KAZN: variants seen among roughly 807,000 people sequenced by gnomAD.
The protein encoded by KAZN is kazrin, periplakin interacting protein, also known as kazrin.
In KAZN, 40 loss-of-function variants were observed where a neutral mutation model predicts 87.4. That is an observed-to-expected ratio of 0.46 (90% CI 0.36 to 0.60). KAZN has a LOEUF of 0.60. Ranked by LOEUF, KAZN falls within the 20% of genes least tolerant of loss-of-function variation. The pLI, the probability that KAZN is intolerant of heterozygous loss-of-function variation, is 0.00. For synonymous variants in KAZN, 466 were observed against 458.3 expected (o/e 1.02, Z -0.22); for missense variants, 898 against 1,073.9 (o/e 0.84, Z 2.29).
chr1:14,981,982 G>A (rs1666290457), intron 2 of KAZN, among the ~76,000 whole-genome samples: 1 of 152,150 alleles, frequency 6.6e-6, no homozygotes, highest in Non-Finnish European at 1.5e-5. Flanking sequence ...ACTTACCCTG[G>A]CCTGTCAGCT....
intron 1 of KAZN, among the ~76,000 whole-genome samples, chr1:14,906,102 G>A (rs1290142684): frequency 1.3e-5 from 2 of 151,304 alleles, no homozygotes; most frequent in African/African-American, 4.9e-5. Context: ...GGTAGGCGGG[G>A]CTTGCAGTGA....
chr1:15,070,286 T>C (rs1318067928), intron 8 of KAZN, among the ~76,000 whole-genome samples: 2 of 152,214 alleles, frequency 1.3e-5, no homozygotes, highest in African/African-American at 2.4e-5. Flanking sequence ...CTCAGTCTGT[T>C]TCCATCAGCC....
intron 1 of KAZN, among the ~76,000 whole-genome samples, chr1:14,122,978 A>G (rs1379986415): frequency 1.3e-5 from 2 of 152,234 alleles, no homozygotes; most frequent in African/African-American, 2.4e-5. Context: ...GCAAGGCGAC[A>G]TTTGATAGCA....
At chr1:15,039,517 C>G (rs1672685425) in intron 3 of KAZN, among the ~76,000 whole-genome samples, 1 of 152,092 alleles carries the variant, frequency 6.6e-6, no homozygotes, top group East Asian at 1.9e-4. Flanking sequence ...AGAGTGCTGG[C>G]TATTTCAGTG....
chr1:14,859,814 T>TC (rs1253072849), intron 1 of KAZN, among the ~76,000 whole-genome samples: 1 of 152,096 alleles, frequency 6.6e-6, no homozygotes, highest in East Asian at 1.9e-4. Flanking sequence ...TCCCACTATT[T>TC]CCCCTTAGCG....
intron 2 of KAZN, among the ~76,000 whole-genome samples, chr1:14,587,544 C>T (rs1466951737): frequency 6.6e-6 from 1 of 151,478 alleles, no homozygotes. Flanking sequence ...AGCTTACAGT[C>T]ATGGTGGAAG....
rs1378110387 is a variant in KAZN, at chr1:14,943,007, G to GGGGTGT, written c.227-17676_227-17675insGGTGTG. On this transcript the variant is annotated intron_variant, in intron 1 of 14. Coordinates refer to ENST00000376030, the MANE Select transcript of KAZN (RefSeq NM_201628.3). ...ATGTGAGCTGCGTGTGTGTGTGTGT[G>GGGGTGT]GTGTGTGTGTGTGTGTGTGTGTGTG... is the stretch of plus-strand genomic sequence containing the variant. 1.8e-4 allele frequency among the ~76,000 whole-genome samples: 18 copies of GGGGTGT among 100,864 alleles called. No individual in the cohort carries two copies. The East Asian group carries it at 2.4e-3, about 13-fold the overall frequency. 66.2% of individuals were successfully genotyped at this position (100,864 alleles called of 152,430 possible). A position where few individuals can be genotyped will look rare whatever the true frequency, so the allele number is the denominator to read the frequency against.
intron 1 of KAZN, among the ~76,000 whole-genome samples, chr1:13,911,742 T>C (rs890782578): frequency 6.6e-6 from 1 of 152,208 alleles, no homozygotes; most frequent in Non-Finnish European, 1.5e-5. Flanking sequence ...TATCATTTAA[T>C]GTATTAAATC....
chr1:14,550,951 T>A (rs888223852), intron 2 of KAZN, among the ~76,000 whole-genome samples: 2 of 151,598 alleles, frequency 1.3e-5, no homozygotes, highest in Non-Finnish European at 2.9e-5. Context: ...CCCTCAATCC[T>A]TGTAAAGCAT....
intron 1 of KAZN, among the ~76,000 whole-genome samples, chr1:14,016,426 G>A (rs772584879): frequency 6.6e-6 from 1 of 152,150 alleles, no homozygotes; most frequent in Non-Finnish European, 1.5e-5. Flanking sequence ...CATTTCACAG[G>A]TGGGGAAACT....
intron 1 of KAZN, among the ~76,000 whole-genome samples, chr1:14,784,844 GT>G (rs2100661218): frequency 6.6e-6 from 1 of 152,310 alleles, no homozygotes; most frequent in Non-Finnish European, 1.5e-5. Flanking sequence ...GGAAATACAT[GT>G]GGGCACTGGG....
intron 1 of KAZN, among the ~76,000 whole-genome samples, chr1:14,747,134 C>T (rs1245410103): frequency 6.6e-6 from 1 of 152,136 alleles, no homozygotes; most frequent in Non-Finnish European, 1.5e-5. Context: ...CCTCAAGATT[C>T]ATCAGTGCGG....
intron 2 of KAZN, among the ~76,000 whole-genome samples, chr1:14,344,831 T>C (rs1657991466): frequency 6.7e-6 from 1 of 150,046 alleles, no homozygotes. Flanking sequence ...GGCAAAAAGA[T>C]TTTTTTAACT....
chr1:14,681,213 G>A (rs1009158047), intron 1 of KAZN, among the ~76,000 whole-genome samples: 2 of 152,190 alleles, frequency 1.3e-5, no homozygotes, highest in Admixed American at 6.5e-5. Context: ...AGGTTTGGGT[G>A]GGGACAAATA....
intron 1 of KAZN, among the ~76,000 whole-genome samples, chr1:13,944,243 G>A (rs1641049982): frequency 6.6e-6 from 1 of 152,216 alleles, no homozygotes; most frequent in Non-Finnish European, 1.5e-5. Context: ...GTTGAAAATA[G>A]CACGCGACGT....
intron 1 of KAZN, among the ~76,000 whole-genome samples, chr1:14,673,203 C>T (rs1363064283): frequency 6.6e-6 from 1 of 152,184 alleles, no homozygotes; most frequent in Non-Finnish European, 1.5e-5. Context: ...CCCTGTGTCC[C>T]ATCACAGGCT....
At chr1:14,001,799 T>C (rs1639804500) in intron 1 of KAZN, among the ~76,000 whole-genome samples, 1 of 152,216 alleles carries the variant, frequency 6.6e-6, no homozygotes, top group Non-Finnish European at 1.5e-5. Flanking sequence ...GCTAGCCATA[T>C]GCAGAAAACT....
chr1:14,575,199 G>A (rs1557810347), intron 2 of KAZN, among the ~76,000 whole-genome samples: 1 of 152,026 alleles, frequency 6.6e-6, no homozygotes, highest in East Asian at 1.9e-4. Context: ...TTGGTTGGGG[G>A]AAGGAGATAA....
chr1:14,078,190 T>C (rs1240554715), intron 1 of KAZN, among the ~76,000 whole-genome samples: 2 of 152,200 alleles, frequency 1.3e-5, no homozygotes, highest in Non-Finnish European at 2.9e-5. Flanking sequence ...CTGGCACTGA[T>C]GAGCTGATGT....
Sources: allele counts gnomAD v4.1 joint callset (sites outside exome capture counted in the v4.1 genomes callset), GRCh38; gene constraint gnomAD v4.1.1; transcripts MANE v1.5; gene names NCBI Gene and HGNC (gene_info 2026-07-23, HGNC 2026-07-21).